Variants in CELF5 observed in about 807,000 individuals in gnomAD.
The protein encoded by CELF5 is CUG-BP and ETR-3 like factor 5.
CELF5 carries 6 observed loss-of-function variants against 54.9 expected under a neutral mutation model. The ratio of observed to expected loss-of-function variants is 0.11; its 90% CI spans 0.06 to 0.22. The LOEUF is 0.22. Among genes scored for constraint, CELF5 ranks in the 10% least tolerant of loss-of-function variants. The pLI, the probability that CELF5 is intolerant of heterozygous loss-of-function variation, is 1.00. For synonymous variants in CELF5, 271 were observed against 290.9 expected, an observed-to-expected ratio of 0.93 and a Z score of 0.70; for missense variants, 401 against 678.6, an observed-to-expected ratio of 0.59 and a Z score of 4.54.
chr19:3,280,787 G>C (rs555596206), intron 5 of CELF5, among the ~76,000 whole-genome samples: 1 of 152,236 alleles, frequency 6.6e-6, no homozygotes, highest in South Asian at 2.1e-4. Flanking sequence ...GGTGACAATG[G>C]CAGGTTCGTC....
At chr19:3,245,646 C>T (rs980045918) in intron 1 of CELF5, among the ~76,000 whole-genome samples, 3 of 151,684 alleles carry the variant, frequency 2.0e-5, no homozygotes, top group East Asian at 1.9e-4. Flanking sequence ...AATTTCTTGC[C>T]GATCAAACCT....
chr19:3,230,292 T>C (rs1917194212), intron 1 of CELF5, among the ~76,000 whole-genome samples: 1 of 152,042 alleles, frequency 6.6e-6, no homozygotes, highest in East Asian at 1.9e-4. Context: ...GGAGGGGCAT[T>C]AGAAATGGGG....
In CELF5 at chr19:3,259,372, G is replaced by A. The variant is rs116139215; in HGVS notation, c.342+8305G>A. ...CATGGAGTAGGTGGAGGCCAGGGAC[G>A]CTACTCAGCACCCTGCAGTGCCCAG... On this transcript the variant is annotated intron_variant, in intron 2 of 12. Transcript: ENST00000292672. 6.7e-3 allele frequency among the ~76,000 whole-genome samples: 1,020 copies of A among 152,098 alleles called. 13 individuals are homozygous for A. The highest frequency in any genetic ancestry group is 0.023 in the African/African-American group (951 of 41,462).
intron 1 of CELF5, among the ~76,000 whole-genome samples, chr19:3,244,634 G>A (rs2079537548): frequency 1.3e-5 from 2 of 149,772 alleles, no homozygotes; most frequent in Admixed American, 1.3e-4. Context: ...GTGCGTGTGT[G>A]GTGTGTGTAT....
chr19:3,244,645 G>A (rs2079537915), intron 1 of CELF5, among the ~76,000 whole-genome samples: 1 of 149,350 alleles, frequency 6.7e-6, no homozygotes, highest in Non-Finnish European at 1.5e-5. Flanking sequence ...GTGTGTGTAT[G>A]TATCTGTGTG....
intron 2 of CELF5, among the ~76,000 whole-genome samples, chr19:3,266,996 G>T (rs918890656): frequency 6.6e-6 from 1 of 151,944 alleles, no homozygotes; most frequent in African/African-American, 2.4e-5. Context: ...GGAGGAGCTG[G>T]GTCACGTGAG....
chr19:3,252,454 A>G (rs527955542), intron 2 of CELF5, among the ~76,000 whole-genome samples: 4 of 152,084 alleles, frequency 2.6e-5, no homozygotes, highest in Non-Finnish European at 5.9e-5. Context: ...ATGCCTCTTG[A>G]TGGAGACTGA....
chr19:3,264,409 T>C (rs1415142157), intron 2 of CELF5, among the ~76,000 whole-genome samples: 1 of 151,776 alleles, frequency 6.6e-6, no homozygotes, highest in Non-Finnish European at 1.5e-5. Context: ...TTTTTCTTTT[T>C]CTTTTCTTTC....
intron 9 of CELF5, among the ~76,000 whole-genome samples, chr19:3,285,212 T>G (rs2080219769): frequency 6.6e-6 from 1 of 151,948 alleles, no homozygotes; most frequent in Admixed American, 6.6e-5. Flanking sequence ...GGACAGCGCT[T>G]ACCCATGGCC....
intron 2 of CELF5, among the ~76,000 whole-genome samples, chr19:3,265,214 TG>T (rs1272640020): frequency 6.6e-6 from 1 of 152,134 alleles, no homozygotes; most frequent in African/African-American, 2.4e-5. Flanking sequence ...GGCTTGTGCC[TG>T]GCGTCCTAGC....
intron 9 of CELF5, among the ~76,000 whole-genome samples, chr19:3,285,617 T>C (rs1162404499): frequency 4.0e-5 from 4 of 101,178 alleles, no homozygotes; most frequent in South Asian, 3.8e-4. Flanking sequence ...CCCCGCCCTC[T>C]ACTGTGGCCC....
At chr19:3,254,469 C>A (rs1008420752) in intron 2 of CELF5, among the ~76,000 whole-genome samples, 14 of 151,036 alleles carry the variant, frequency 9.3e-5, no homozygotes, top group African/African-American at 3.4e-4. Flanking sequence ...ATCCATCTAT[C>A]CATCCACCCA....
intron 11 of CELF5, among the ~76,000 whole-genome samples, chr19:3,291,421 C>T (rs1488515462): frequency 6.6e-6 from 1 of 151,910 alleles, no homozygotes; most frequent in Admixed American, 6.6e-5. Flanking sequence ...AAAAAATTAG[C>T]CGGGCATGGT....
At chr19:3,285,516 G>T (rs184355252) in intron 9 of CELF5, among the ~76,000 whole-genome samples, 1 of 132,928 alleles carries the variant, frequency 7.5e-6, no homozygotes, top group East Asian at 2.2e-4. Context: ...CCCCACTCAT[G>T]CCCTTCATCC....
chr19:3,225,864 G>A lies in CELF5; in HGVS notation c.259+866G>A, dbSNP rs1471139344. 6.6e-5 allele frequency among the ~76,000 whole-genome samples: 10 copies of A among 152,086 alleles called. 1 individual carries two copies. Among genetic ancestry groups the A allele is most frequent in the Non-Finnish European group, 1.5e-4 (10 of 68,002 alleles). On this transcript the variant is annotated intron_variant, in intron 1 of 12. Coordinates refer to ENST00000292672, the MANE Select transcript of CELF5 (RefSeq NM_021938.4). ...GTCTCAGGCCCAAGACAATGAGCTTGGACGTGTCCATCTGGGCAGAGCCCA... is the reference window on the plus strand; with the variant it reads ...GTCTCAGGCCCAAGACAATGAGCTTAGACGTGTCCATCTGGGCAGAGCCCA...
In CELF5 at chr19:3,224,687, C is replaced by T. The variant is rs1434737948; in HGVS notation, c.-53C>T. 12 of 991,510 alleles carry T rather than the reference C, an allele frequency of 1.2e-5. No homozygotes were observed. The highest frequency in any genetic ancestry group is 1.4e-5 in the Non-Finnish European group (12 of 835,034). The allele number at this position is 991,510 out of a possible 1,614,324, so 61.4% of individuals were successfully genotyped here. A position where few individuals can be genotyped will look rare whatever the true frequency, so the allele number is the denominator to read the frequency against. Reference sequence around the variant, plus strand: ...GGAGGCGCGGCCGCCGCTCCAGCTGCGAGTCCGCCCGCCGCCCGCCGCCGC... The same window carrying T: ...GGAGGCGCGGCCGCCGCTCCAGCTGTGAGTCCGCCCGCCGCCCGCCGCCGC... On this transcript the variant is annotated 5_prime_UTR_variant, in exon 1 of 13. Transcript: ENST00000292672.
chr19:3,280,773 G>A (rs1435646876), intron 5 of CELF5, among the ~76,000 whole-genome samples: 1 of 152,142 alleles, frequency 6.6e-6, no homozygotes, highest in Non-Finnish European at 1.5e-5. Flanking sequence ...AGTTTCAGGT[G>A]TGGGGTGACA....
chr19:3,231,170 T>C (rs1290067931), intron 1 of CELF5, among the ~76,000 whole-genome samples: 2 of 152,114 alleles, frequency 1.3e-5, no homozygotes, highest in Non-Finnish European at 2.9e-5. Context: ...TCAACATCAG[T>C]GATATGTAAG....
chr19:3,251,194 G>A, intron 2 of CELF5, 127 bp downstream of exon 2: 4 of 682,122 alleles, frequency 5.9e-6, no homozygotes, highest in South Asian at 3.4e-5. Context: ...AGAGGTATGA[G>A]GAGCAGAGGT....
Sources: allele counts gnomAD v4.1 joint callset (sites outside exome capture counted in the v4.1 genomes callset), GRCh38; gene constraint gnomAD v4.1.1; transcripts MANE v1.5; gene names NCBI Gene and HGNC (gene_info 2026-07-23, HGNC 2026-07-21).